KLHL29: variants seen among roughly 807,000 people sequenced by gnomAD.
The protein encoded by KLHL29 is kelch-like protein 29.
Under a neutral mutation model 80.4 loss-of-function variants are expected in KLHL29, and 21 were observed. The observed-to-expected ratio is 0.26, with a 90% CI of 0.19 to 0.38. The LOEUF is 0.38. Among genes scored for constraint, KLHL29 ranks in the 10% least tolerant of loss-of-function variants. KLHL29 has a pLI of 1.00. For missense variants in KLHL29, 867 were observed against 1,223.9 expected (o/e 0.71, Z 4.35); for synonymous variants, 511 against 526.8 (o/e 0.97, Z 0.41).
At chr2:23,557,401 G>A (rs1174841545) in intron 2 of KLHL29, among the ~76,000 whole-genome samples, 1 of 152,172 alleles carries the variant, frequency 6.6e-6, no homozygotes, top group Non-Finnish European at 1.5e-5. Context: ...CCGAAAGGCT[G>A]GCATGCAAAT....
At chr2:23,699,521 C>T (rs1221663284) in intron 11 of KLHL29, among the ~76,000 whole-genome samples, 2 of 152,220 alleles carry the variant, frequency 1.3e-5, no homozygotes, top group African/African-American at 4.8e-5. Flanking sequence ...ATCCCAGTGA[C>T]CTGGCCAGGC....
chr2:23,643,185 A>G, intron 5 of KLHL29: 1 of 483,698 alleles, frequency 2.1e-6, no homozygotes, highest in East Asian at 4.1e-5. Flanking sequence ...GCCAAGCTGC[A>G]AAAGGGTGAG....
chr2:23,676,054 G>GAC (rs1175537933), intron 5 of KLHL29, among the ~76,000 whole-genome samples: 1 of 152,204 alleles, frequency 6.6e-6, no homozygotes, highest in African/African-American at 2.4e-5. Context: ...CAGACAGACA[G>GAC]ACATTCCTCT....
chr2:23,686,770 G>A (rs1225566077), intron 6 of KLHL29, among the ~76,000 whole-genome samples: 1 of 152,106 alleles, frequency 6.6e-6, no homozygotes, highest in Non-Finnish European at 1.5e-5. Flanking sequence ...AACCCAGAGA[G>A]GTCTGAGGTT....
chr2:23,420,760 C>G (rs1327752278), intron 1 of KLHL29, among the ~76,000 whole-genome samples: 1 of 152,184 alleles, frequency 6.6e-6, no homozygotes, highest in African/African-American at 2.4e-5. Flanking sequence ...CACGTCCACC[C>G]TTTTCCAGAA....
At chr2:23,429,607 G>A (rs1034280126) in intron 1 of KLHL29, among the ~76,000 whole-genome samples, 11 of 152,104 alleles carry the variant, frequency 7.2e-5, no homozygotes, top group African/African-American at 2.7e-4. Context: ...ACAAAAATTA[G>A]CCAGGCATGG....
At position 23,682,638 on chromosome 2, in the gene KLHL29, T is replaced by C. The variant is rs1009818152; in HGVS notation, c.941-1761T>C. On this transcript the variant is annotated intron_variant, in intron 5 of 13. Transcript: ENST00000486442. This position sits in a 1 kb window ranked among gnomAD's most constrained non-coding sequence, Gnocchi z 4.1. ...GTGTTCCCTGTTGCCCATGGCCCTTTTGTCCACCTGCACCTGCCCCCTCGT... is the reference window on the plus strand; with the variant it reads ...GTGTTCCCTGTTGCCCATGGCCCTTCTGTCCACCTGCACCTGCCCCCTCGT... 6.6e-6 allele frequency among the ~76,000 whole-genome samples: 1 copy of C among 151,928 alleles called. No homozygotes were observed. The highest frequency in any genetic ancestry group is 6.6e-5 in the Admixed American group (1 of 15,260).
chr2:23,522,097 G>A (rs2103470558), intron 2 of KLHL29, among the ~76,000 whole-genome samples: 1 of 152,286 alleles, frequency 6.6e-6, no homozygotes, highest in South Asian at 2.1e-4. Flanking sequence ...CTATGAACAA[G>A]GATGCTGGGG....
intron 2 of KLHL29, among the ~76,000 whole-genome samples, chr2:23,534,256 T>C (rs899925892): frequency 6.6e-6 from 1 of 152,216 alleles, no homozygotes; most frequent in Non-Finnish European, 1.5e-5. Context: ...CACATTGCAG[T>C]TAGTATGACT....
chr2:23,526,670 G>C (rs981327777), intron 2 of KLHL29, among the ~76,000 whole-genome samples: 2 of 152,158 alleles, frequency 1.3e-5, no homozygotes, highest in Non-Finnish European at 1.5e-5. Context: ...GCACCTTTGT[G>C]GCCTGCCCTC....
chr2:23,597,393 A>ATGTGTGTGTG (rs1487349365), intron 3 of KLHL29, among the ~76,000 whole-genome samples: 1 of 84,074 alleles, frequency 1.2e-5, no homozygotes, highest in Non-Finnish European at 2.2e-5. Flanking sequence ...GTATATATAT[A>ATGTGTGTGTG]TATATATATA....
chr2:23,507,239 C>T (rs1397179106), intron 2 of KLHL29: 3 of 248,964 alleles, frequency 1.2e-5, no homozygotes. Flanking sequence ...GATCCTGTAA[C>T]ATAAGAGGCA....
In KLHL29 at chr2:23,438,650, A is replaced by G. The variant is rs1663416871; in HGVS notation, c.-153-36910A>G. Among the ~76,000 whole-genome samples the G allele has an allele frequency of 2.7e-5, 4 of 149,354 alleles. No individual in the cohort carries two copies. In the South Asian group the frequency reaches 8.6e-4, roughly 32 times the overall value. On this transcript the variant is annotated intron_variant, in intron 1 of 13. Transcript: ENST00000486442. ...GTATATTGAACCAGCCTTGCATCCC[A>G]GGGATGAAGCCCACTTGATCGTGGT...
intron 6 of KLHL29, chr2:23,688,968 C>G (rs1305586097): frequency 6.6e-6 from 1 of 152,294 alleles, no homozygotes; most frequent in African/African-American, 2.4e-5. Flanking sequence ...GCCTAAGGAG[C>G]ACTGGGGTCC....
intron 12 of KLHL29, 101 bp downstream of exon 12, chr2:23,703,480 C>A: frequency 8.8e-7 from 1 of 1,138,572 alleles, no homozygotes; most frequent in Non-Finnish European, 1.2e-6. Flanking sequence ...AGCCCAACAG[C>A]TCTGCAGACC....
intron 4 of KLHL29, among the ~76,000 whole-genome samples, chr2:23,640,738 C>G (rs1669744200): frequency 6.6e-6 from 1 of 152,238 alleles, no homozygotes; most frequent in African/African-American, 2.4e-5. Flanking sequence ...AGGCTTACAG[C>G]AATAGTGCCT....
At chr2:23,569,719 A>G (rs1186290812) in intron 3 of KLHL29, among the ~76,000 whole-genome samples, 2 of 152,210 alleles carry the variant, frequency 1.3e-5, no homozygotes, top group Admixed American at 1.3e-4. Context: ...TGTAATGCTA[A>G]AAATAACTTG....
intron 1 of KLHL29, among the ~76,000 whole-genome samples, chr2:23,431,291 C>T (rs1049780513): frequency 1.3e-5 from 2 of 152,224 alleles, no homozygotes; most frequent in Non-Finnish European, 2.9e-5. Flanking sequence ...GTGTTCAGAG[C>T]TCAAGGCATA....
At chr2:23,426,060 T>TG (rs1325968033) in intron 1 of KLHL29, among the ~76,000 whole-genome samples, 2 of 152,108 alleles carry the variant, frequency 1.3e-5, no homozygotes, top group Non-Finnish European at 2.9e-5. Flanking sequence ...TTCCCATGCC[T>TG]GGGGAGTGCC....
Sources: allele counts gnomAD v4.1 joint callset (sites outside exome capture counted in the v4.1 genomes callset), GRCh38; gene constraint gnomAD v4.1.1; non-coding constraint Gnocchi (gnomAD v3.1); transcripts MANE v1.5; gene names NCBI Gene and HGNC (gene_info 2026-07-23, HGNC 2026-07-21).